Variants in GALNT13 observed in about 807,000 individuals in gnomAD.
GALNT13 encodes the protein polypeptide N-acetylgalactosaminyltransferase 13.
Under a neutral mutation model 64.2 loss-of-function variants are expected in GALNT13, and 28 were observed. The observed-to-expected ratio is 0.44, with a 90% CI of 0.32 to 0.60. The LOEUF (loss-of-function observed/expected upper bound fraction) is 0.60, where lower values mean the gene tolerates loss of function less well. Ranked by LOEUF, GALNT13 falls within the 20% of genes least tolerant of loss-of-function variation. The pLI is 0.05. For synonymous variants in GALNT13, 214 were observed against 224.6 expected (o/e 0.95, Z 0.42); for missense variants, 577 against 669.8 (o/e 0.86, Z 1.53).
At chr2:153,708,333 G>A in the GALNT13 span, among the ~76,000 whole-genome samples, 1 of 152,148 alleles carries the variant, frequency 6.6e-6, no homozygotes, top group Non-Finnish European at 1.5e-5. Context: ...TTCTACTTCT[G>A]TGGAGTGTGT....
At chr2:153,644,202 C>G in the GALNT13 span, among the ~76,000 whole-genome samples, 1 of 151,860 alleles carries the variant, frequency 6.6e-6, no homozygotes, top group African/African-American at 2.4e-5. Context: ...GCTATAAGAA[C>G]AATATTTAAA....
chr2:154,149,526 C>T (rs932777122), intron 4 of GALNT13, among the ~76,000 whole-genome samples: 9 of 152,138 alleles, frequency 5.9e-5, no homozygotes, highest in Non-Finnish European at 1.2e-4. Flanking sequence ...GCAGTATGGC[C>T]ATTTTCATGG....
chr2:153,180,487 T>A, the GALNT13 span, among the ~76,000 whole-genome samples: 1 of 152,150 alleles, frequency 6.6e-6, no homozygotes, highest in Non-Finnish European at 1.5e-5. Flanking sequence ...TGCAGTTTTG[T>A]TTTCTTCTGA....
chr2:153,786,308 T>C, the GALNT13 span, among the ~76,000 whole-genome samples: 1 of 152,144 alleles, frequency 6.6e-6, no homozygotes, highest in African/African-American at 2.4e-5. Context: ...GCGTAGTCAC[T>C]ACGCTGACAC....
chr2:153,420,458 T>C, the GALNT13 span, among the ~76,000 whole-genome samples: 3 of 152,180 alleles, frequency 2.0e-5, no homozygotes, highest in East Asian at 1.9e-4. Flanking sequence ...ATAGCAAATA[T>C]GATCTCCATG....
the GALNT13 span, among the ~76,000 whole-genome samples, chr2:153,458,793 G>A: frequency 1.3e-5 from 2 of 152,066 alleles, no homozygotes; most frequent in Non-Finnish European, 2.9e-5. Context: ...ATCAAAAATG[G>A]TCTTCTTTTC....
intron 7 of GALNT13, among the ~76,000 whole-genome samples, chr2:154,254,430 T>C (rs2105893899): frequency 6.6e-6 from 1 of 152,200 alleles, no homozygotes; most frequent in Middle Eastern, 3.4e-3. Flanking sequence ...CTGGCTATGG[T>C]TTTTAGGATA....
chr2:153,481,435 GA>G, the GALNT13 span, among the ~76,000 whole-genome samples: 2 of 152,078 alleles, frequency 1.3e-5, no homozygotes, highest in Non-Finnish European at 2.9e-5. Flanking sequence ...TGTGAAAAAA[GA>G]AATCTTTAAG....
intron 10 of GALNT13, among the ~76,000 whole-genome samples, chr2:154,401,648 T>C (rs946404682): frequency 3.0e-4 from 46 of 152,188 alleles, no homozygotes; most frequent in African/African-American, 1.1e-3. Context: ...ATTCTAATTT[T>C]ATTACTTAAA....
At chr2:153,908,996 T>TGGGCAGTATGGCCAATCA (rs1688765151) in intron 2 of GALNT13, among the ~76,000 whole-genome samples, 1 of 152,160 alleles carries the variant, frequency 6.6e-6, no homozygotes, top group Non-Finnish European at 1.5e-5. Context: ...TATGGCCATT[T>TGGGCAGTATGGCCAATCA]TAATGATATT....
intron 11 of GALNT13, among the ~76,000 whole-genome samples, chr2:154,425,188 AC>A (rs1021208148): frequency 5.3e-5 from 8 of 152,208 alleles, no homozygotes; most frequent in Non-Finnish European, 8.8e-5. Context: ...TATAGTATAT[AC>A]CAGAGTTTTA....
chr2:153,422,336 T>A, the GALNT13 span, among the ~76,000 whole-genome samples: 1 of 151,996 alleles, frequency 6.6e-6, no homozygotes, highest in East Asian at 1.9e-4. Flanking sequence ...AACGTAAAGA[T>A]GAGAATAGAA....
intron 1 of GALNT13, among the ~76,000 whole-genome samples, chr2:153,891,287 A>G (rs1368650339): frequency 1.3e-5 from 2 of 152,046 alleles, no homozygotes; most frequent in African/African-American, 2.4e-5. Context: ...AGGTCAGTCA[A>G]ATTTTTATCT....
chr2:153,668,355 C>T, the GALNT13 span, among the ~76,000 whole-genome samples: 1 of 152,050 alleles, frequency 6.6e-6, no homozygotes, highest in Non-Finnish European at 1.5e-5. Context: ...CACATACTTA[C>T]CTATAAAGCA....
intron 4 of GALNT13, among the ~76,000 whole-genome samples, chr2:154,213,088 A>T (rs1687865329): frequency 6.6e-6 from 1 of 152,102 alleles, no homozygotes; most frequent in African/African-American, 2.4e-5. Flanking sequence ...GAAAAAAGGA[A>T]GTCAGGTTTT....
the GALNT13 span, among the ~76,000 whole-genome samples, chr2:153,630,810 T>TATTTA: frequency 5.1e-4 from 15 of 29,496 alleles, no homozygotes; most frequent in South Asian, 1.3e-3. Flanking sequence ...TATATATATT[T>TATTTA]TTTTTTTTTT....
chr2:153,534,231 T>C, the GALNT13 span, among the ~76,000 whole-genome samples: 2 of 152,182 alleles, frequency 1.3e-5, no homozygotes, highest in African/African-American at 4.8e-5. Flanking sequence ...TACCTTGTAC[T>C]TTTTTCTTAA....
chr2:153,167,269 T>C, the GALNT13 span, among the ~76,000 whole-genome samples: 1 of 152,220 alleles, frequency 6.6e-6, no homozygotes, highest in Non-Finnish European at 1.5e-5. Flanking sequence ...TTTTGCCTTT[T>C]AAACTTGGGA....
At chr2:153,604,451 C>T in the GALNT13 span, among the ~76,000 whole-genome samples, 1 of 152,024 alleles carries the variant, frequency 6.6e-6, no homozygotes, top group Non-Finnish European at 1.5e-5. Context: ...TTCACTGCAA[C>T]TGATAATTTG....
Sources: gnomAD v4.1 joint callset for allele counts (sites outside exome capture counted in the v4.1 genomes callset) on GRCh38, gnomAD v4.1.1 for gene constraint, MANE v1.5 for transcripts, NCBI Gene and HGNC (gene_info 2026-07-23, HGNC 2026-07-21) for gene names.